Variants in THADA observed in about 807,000 individuals in gnomAD.
THADA encodes the protein tRNA (32-2'-O)-methyltransferase regulator THADA.
In THADA, 213 loss-of-function variants were observed where a neutral mutation model predicts 219.8. The observed-to-expected ratio is 0.97, with a 90% CI of 0.87 to 1.09. The LOEUF (loss-of-function observed/expected upper bound fraction) is 1.09, where lower values mean the gene tolerates loss of function less well. Ranked by LOEUF, THADA falls within the 50% of genes least tolerant of loss-of-function variation. THADA has a pLI of 0.00. For missense variants in THADA, 2,956 were observed against 2,311.3 expected (o/e 1.28, Z -5.72); for synonymous variants, 1,018 against 828.9 (o/e 1.23, Z -3.92).
intron 26 of THADA, among the ~76,000 whole-genome samples, chr2:43,447,495 C>T (rs1490728350): frequency 6.6e-6 from 1 of 152,152 alleles, no homozygotes; most frequent in Non-Finnish European, 1.5e-5. Context: ...TACAAGATAG[C>T]ATTTATAGAT....
intron 31 of THADA, among the ~76,000 whole-genome samples, chr2:43,309,150 A>C (rs1055668308): frequency 5.3e-5 from 8 of 152,246 alleles, no homozygotes; most frequent in African/African-American, 1.9e-4. Flanking sequence ...AGCAATGTAT[A>C]AAAGATGTGA....
intron 30 of THADA, among the ~76,000 whole-genome samples, chr2:43,330,962 C>T (rs1004825577): frequency 3.3e-5 from 5 of 152,332 alleles, no homozygotes; most frequent in African/African-American, 1.2e-4. Flanking sequence ...GTGTCTATTA[C>T]CTCTTCTACA....
At chr2:43,487,061 G>A (rs1208077734) in intron 25 of THADA, among the ~76,000 whole-genome samples, 1 of 152,112 alleles carries the variant, frequency 6.6e-6, no homozygotes, top group Non-Finnish European at 1.5e-5. Context: ...TCATTCAACA[G>A]CCATCAAACA....
chr2:43,532,532 C>T (rs1364083409), intron 21 of THADA, among the ~76,000 whole-genome samples: 1 of 151,842 alleles, frequency 6.6e-6, no homozygotes, highest in East Asian at 1.9e-4. Flanking sequence ...GTAGAAAAGG[C>T]CTTCGATAAA....
chr2:43,360,049 C>A (rs190351429), intron 29 of THADA, among the ~76,000 whole-genome samples: 3 of 151,872 alleles, frequency 2.0e-5, no homozygotes, highest in Non-Finnish European at 2.9e-5. Context: ...AATCAAAGTG[C>A]AATTATCAGT....
At chr2:43,238,545 G>A (rs1390171873) in intron 36 of THADA, among the ~76,000 whole-genome samples, 1 of 152,118 alleles carries the variant, frequency 6.6e-6, no homozygotes, top group Non-Finnish European at 1.5e-5. Context: ...AGCCACTTTG[G>A]AAAACAGTCT....
intron 20 of THADA, among the ~76,000 whole-genome samples, chr2:43,545,664 A>G (rs370840734): frequency 7.2e-5 from 11 of 152,068 alleles, no homozygotes; most frequent in South Asian, 4.2e-4. Flanking sequence ...TTTGCGTAGA[A>G]GTGTTTGTAG....
chr2:43,383,403 G>A (rs193224078), intron 29 of THADA, among the ~76,000 whole-genome samples: 4 of 152,266 alleles, frequency 2.6e-5, no homozygotes, highest in Admixed American at 2.6e-4. Context: ...ATGAGTTACA[G>A]TATTAAGGGT....
At chr2:43,333,092 A>G (rs1452144809) in intron 30 of THADA, 1 of 152,214 alleles carries the variant, frequency 6.6e-6, no homozygotes, top group Admixed American at 6.5e-5. Context: ...CAAACAGCTT[A>G]TTCCTTTAAA....
chr2:43,292,310 C>T (rs1674831790), intron 32 of THADA, 88 bp from the exon 33 acceptor site: 1 of 848,514 alleles, frequency 1.2e-6, no homozygotes, highest in Non-Finnish European at 1.8e-6. Context: ...ATTGTATCAA[C>T]AAGAGGTCTA....
chr2:43,432,529 G>A (rs564165591), intron 26 of THADA, among the ~76,000 whole-genome samples: 7 of 147,996 alleles, frequency 4.7e-5, no homozygotes, highest in Non-Finnish European at 8.9e-5. Flanking sequence ...TTAAGGACAC[G>A]TTTTCATTTC....
chr2:43,493,398 G>C (rs1687890781), intron 25 of THADA, among the ~76,000 whole-genome samples: 1 of 152,122 alleles, frequency 6.6e-6, no homozygotes, highest in African/African-American at 2.4e-5. Context: ...GTGAGGCTGA[G>C]GCAGGAGAAT....
intron 23 of THADA, among the ~76,000 whole-genome samples, 156 bp downstream of exon 23, chr2:43,508,492 A>G (rs1053123716): frequency 3.3e-5 from 5 of 152,172 alleles, no homozygotes; most frequent in Non-Finnish European, 7.4e-5. Context: ...GGAACACACC[A>G]TCCCCACATT....
At position 43,571,803 on chromosome 2, in the gene THADA, G is replaced by A; in HGVS notation, c.1968C>T (p.Ser656=). Residue 656 remains serine (S), a synonymous_variant, in exon 13 of 38, where the codon TCC becomes TCT. Transcript: ENST00000405975. ...CESNRSTEIV[S]MEEMQWIQFF... ...ACTGAATCCACTGCATTTCTTCCAT[G>A]GAAACAATTTCTGTGCTCCGATTAC... 1 of 1,613,790 alleles carries A rather than the reference G, an allele frequency of 6.2e-7. No individual in the cohort carries two copies. Among genetic ancestry groups the A allele is most frequent in the Non-Finnish European group, 8.5e-7 (1 of 1,179,814 alleles).
chr2:43,329,122 G>A (rs1679674632), intron 30 of THADA, among the ~76,000 whole-genome samples: 1 of 152,150 alleles, frequency 6.6e-6, no homozygotes, highest in African/African-American at 2.4e-5. Context: ...CCCTCCCTCT[G>A]TGACTTGTTT....
chr2:43,530,023 A>T (rs904096225), intron 21 of THADA, among the ~76,000 whole-genome samples: 3 of 152,338 alleles, frequency 2.0e-5, no homozygotes, highest in Admixed American at 1.3e-4. Context: ...TAAATAGAGG[A>T]AAACTAAAGA....
At chr2:43,284,364 T>G (rs1210599867) in intron 35 of THADA, among the ~76,000 whole-genome samples, 1 of 152,032 alleles carries the variant, frequency 6.6e-6, no homozygotes, top group Non-Finnish European at 1.5e-5. Flanking sequence ...GCACGCTGTG[T>G]CCCAGCTGCT....
chr2:43,592,658 A>C (rs896561475), intron 1 of THADA, among the ~76,000 whole-genome samples: 2 of 152,200 alleles, frequency 1.3e-5, no homozygotes, highest in Non-Finnish European at 2.9e-5. Flanking sequence ...AATGAGAATC[A>C]CTGTCTAAGA....
At chr2:43,350,476 G>A (rs17334310) in intron 29 of THADA, among the ~76,000 whole-genome samples, 30,191 of 152,184 alleles carry the variant, frequency 0.2, 3,117 homozygotes, top group Middle Eastern at 0.25. Context: ...TTTGTTTTCC[G>A]CTTCAGGCAT....
Sources: gnomAD v4.1 joint callset for allele counts (sites outside exome capture counted in the v4.1 genomes callset) on GRCh38, gnomAD v4.1.1 for gene constraint, MANE v1.5 for transcripts, NCBI Gene and HGNC (gene_info 2026-07-23, HGNC 2026-07-21) for gene names.